Variants in CATSPERT observed in about 807,000 individuals in gnomAD.
CATSPERT encodes cation channel sperm-associated targeting subunit tau.
At chr2:201,487,890 T>C in the CATSPERT span, 1 of 1,607,342 alleles carries the variant, frequency 6.2e-7, no homozygotes, top group Non-Finnish European at 8.5e-7. Context: ...TCCTCAAATT[T>C]ATCTGAACAA....
the CATSPERT span, chr2:201,534,577 G>A: frequency 7.1e-6 from 7 of 985,256 alleles, no homozygotes; most frequent in African/African-American, 1.2e-4. Context: ...GACATGATCT[G>A]TCTACTCATA....
chr2:201,548,498 GAC>G, the CATSPERT span, among the ~76,000 whole-genome samples: 15 of 152,030 alleles, frequency 9.9e-5, no homozygotes, highest in Admixed American at 2.6e-4. Flanking sequence ...TTTGAAGGGA[GAC>G]ACAAACATTC....
the CATSPERT span, among the ~76,000 whole-genome samples, chr2:201,563,459 C>CG: frequency 1.5e-3 from 8 of 5,230 alleles, no homozygotes; most frequent in East Asian, 0.028. Context: ...GCTGGCCGGG[C>CG]GGGGGGCTGA....
chr2:201,502,083 C>T, the CATSPERT span, among the ~76,000 whole-genome samples: 23 of 152,164 alleles, frequency 1.5e-4, no homozygotes, highest in African/African-American at 5.6e-4. Flanking sequence ...CCCTCCAGTT[C>T]CATAAAGGGA....
chr2:201,497,790 A>G, the CATSPERT span, among the ~76,000 whole-genome samples: 1 of 152,200 alleles, frequency 6.6e-6, no homozygotes, highest in African/African-American at 2.4e-5. Context: ...ACAAACCAAT[A>G]CCGGAGCTTC....
At chr2:201,489,433 TAA>T in the CATSPERT span, among the ~76,000 whole-genome samples, 2 of 152,136 alleles carry the variant, frequency 1.3e-5, no homozygotes, top group African/African-American at 2.4e-5. Flanking sequence ...CCCTCAATAC[TAA>T]GTTTCCGAAT....
At chr2:201,580,659 C>A in the CATSPERT span, among the ~76,000 whole-genome samples, 1 of 152,124 alleles carries the variant, frequency 6.6e-6, no homozygotes, top group Non-Finnish European at 1.5e-5. Flanking sequence ...GTTGACATAA[C>A]CCCATTAGTC....
At chr2:201,600,066 C>G in the CATSPERT span, among the ~76,000 whole-genome samples, 1 of 152,162 alleles carries the variant, frequency 6.6e-6, no homozygotes, top group South Asian at 2.1e-4. Flanking sequence ...TACCATTTAA[C>G]CCAGCGATCC....
the CATSPERT span, among the ~76,000 whole-genome samples, chr2:201,580,600 T>C: frequency 6.6e-6 from 1 of 152,240 alleles, no homozygotes; most frequent in East Asian, 1.9e-4. Context: ...CAATAATCTA[T>C]GTTCAAGTTA....
the CATSPERT span, among the ~76,000 whole-genome samples, chr2:201,598,870 C>T: frequency 9.2e-5 from 14 of 152,256 alleles, 2 homozygotes; most frequent in South Asian, 4.1e-4. Context: ...CATGAGCTAC[C>T]GTGCCCAGCC....
the CATSPERT span, among the ~76,000 whole-genome samples, chr2:201,601,500 CAG>C: frequency 1.5e-4 from 23 of 152,144 alleles, no homozygotes; most frequent in East Asian, 4.4e-3. Flanking sequence ...AAACCACAGA[CAG>C]TAACATCTCA....
the CATSPERT span, among the ~76,000 whole-genome samples, chr2:201,548,513 T>G: frequency 6.6e-6 from 1 of 152,028 alleles, no homozygotes. Context: ...AAACATTCAG[T>G]CCATAACACT....
the CATSPERT span, chr2:201,556,035 C>T: frequency 6.6e-6 from 1 of 152,074 alleles, no homozygotes; most frequent in Non-Finnish European, 1.5e-5. Flanking sequence ...ATTCTAGGAC[C>T]TACATACTGT....
chr2:201,580,051 T>C, the CATSPERT span, among the ~76,000 whole-genome samples: 1 of 152,108 alleles, frequency 6.6e-6, no homozygotes, highest in Non-Finnish European at 1.5e-5. Flanking sequence ...TCTTGCTATG[T>C]TGCCAGACTG....
chr2:201,515,575 C>T, the CATSPERT span, among the ~76,000 whole-genome samples: 1 of 152,054 alleles, frequency 6.6e-6, no homozygotes, highest in Non-Finnish European at 1.5e-5. Context: ...GACTTGCCAA[C>T]CAACAGGGCA....
At chr2:201,563,331 C>G in the CATSPERT span, among the ~76,000 whole-genome samples, 1 of 139,828 alleles carries the variant, frequency 7.2e-6, no homozygotes, top group Non-Finnish European at 1.6e-5. Flanking sequence ...ACCCCCCCAC[C>G]TCCCTCCCGG....
the CATSPERT span, among the ~76,000 whole-genome samples, chr2:201,583,272 T>C: frequency 6.6e-6 from 1 of 152,268 alleles, no homozygotes; most frequent in South Asian, 2.1e-4. Flanking sequence ...CAGAGGGTCC[T>C]TCCCCAACCA....
the CATSPERT span, among the ~76,000 whole-genome samples, chr2:201,498,533 C>T: frequency 2.0e-5 from 3 of 152,114 alleles, no homozygotes; most frequent in Non-Finnish European, 4.4e-5. Context: ...TTTCCTCTCC[C>T]AGTCCACCAC....
the CATSPERT span, chr2:201,618,907 A>C: frequency 6.2e-7 from 1 of 1,613,696 alleles, no homozygotes; most frequent in Non-Finnish European, 8.5e-7. Flanking sequence ...CACGTTCAGC[A>C]GCCGGTGCCC....
Sources: gnomAD v4.1 joint callset for allele counts (sites outside exome capture counted in the v4.1 genomes callset) on GRCh38, gnomAD v4.1.1 for gene constraint, MANE v1.5 for transcripts, NCBI Gene and HGNC (gene_info 2026-07-23, HGNC 2026-07-21) for gene names.